The following RARB variants were observed in gnomAD, a reference collection of about 807,000 sequenced individuals.
RARB encodes retinoic acid receptor beta, also known as HBV-activated protein.
A neutral mutation model predicts 51.9 loss-of-function variants in RARB; 17 were observed. That is an observed-to-expected ratio of 0.33 (90% CI 0.22 to 0.49). The LOEUF (loss-of-function observed/expected upper bound fraction) is 0.49. Ranked by LOEUF, RARB falls within the 20% of genes least tolerant of loss-of-function variation. The pLI is 0.99. For synonymous variants in RARB, 215 were observed against 195.4 expected, an observed-to-expected ratio of 1.10 and a Z score of -0.84; for missense variants, 369 against 550.8, an observed-to-expected ratio of 0.67 and a Z score of 3.30.
intron 2 of RARB, among the ~76,000 whole-genome samples, chr3:24,969,852 T>C (rs1696355583): frequency 6.6e-6 from 1 of 152,108 alleles, no homozygotes; most frequent in South Asian, 2.1e-4. Flanking sequence ...AATATACTTT[T>C]AGCTATGTAT....
At chr3:25,016,210 C>G (rs1298159540) in intron 2 of RARB, among the ~76,000 whole-genome samples, 3 of 152,130 alleles carry the variant, frequency 2.0e-5, no homozygotes, top group Non-Finnish European at 4.4e-5. Context: ...TTATAAATTT[C>G]AATACAAAAT....
At chr3:24,834,645 A>G (rs540488148) in intron 1 of RARB, among the ~76,000 whole-genome samples, 4 of 152,284 alleles carry the variant, frequency 2.6e-5, no homozygotes, top group South Asian at 2.1e-4. Flanking sequence ...GATGACGTCA[A>G]TGTAATCATG....
At chr3:25,058,961 A>T (rs1041023787) in intron 2 of RARB, among the ~76,000 whole-genome samples, 8 of 151,760 alleles carry the variant, frequency 5.3e-5, no homozygotes, top group African/African-American at 1.9e-4. Context: ...TTCCAAAAAA[A>T]ATTTTACCCA....
intron 5 of RARB, among the ~76,000 whole-genome samples, chr3:25,364,445 G>A (rs1197111061): frequency 6.6e-6 from 1 of 152,208 alleles, no homozygotes; most frequent in African/African-American, 2.4e-5. Context: ...TACACAAAAT[G>A]TGGGCTTCAC....
At chr3:25,074,167 T>C (rs1466380195) in intron 3 of RARB, among the ~76,000 whole-genome samples, 2 of 152,234 alleles carry the variant, frequency 1.3e-5, no homozygotes, top group Non-Finnish European at 2.9e-5. Flanking sequence ...TTTATCACAA[T>C]GGAAAACTAC....
intron 2 of RARB, among the ~76,000 whole-genome samples, chr3:24,864,263 C>T (rs1046138160): frequency 6.6e-6 from 1 of 152,146 alleles, no homozygotes; most frequent in African/African-American, 2.4e-5. Flanking sequence ...CCTCTGATGT[C>T]AGACACACCA....
At chr3:25,100,884 T>C (rs1438675767) in intron 3 of RARB, among the ~76,000 whole-genome samples, 1 of 152,186 alleles carries the variant, frequency 6.6e-6, no homozygotes, top group East Asian at 1.9e-4. Context: ...TACACTAAGG[T>C]TGACATTCAA....
At chr3:25,160,282 T>C (rs1700452968) in intron 4 of RARB, among the ~76,000 whole-genome samples, 2 of 152,328 alleles carry the variant, frequency 1.3e-5, no homozygotes, top group Middle Eastern at 6.8e-3. Context: ...CAAATGAACA[T>C]TTTAACATTT....
At position 25,521,009 on chromosome 3, in the gene RARB, A is replaced by C. The variant is rs542325296; in HGVS notation, c.448+19686A>C. 3.1e-3 allele frequency among the ~76,000 whole-genome samples: 468 copies of C among 152,334 alleles called. 4 individuals carry two copies. The highest frequency in any genetic ancestry group is 0.011 in the African/African-American group (452 of 41,580). ...GAGTTTGTGACAATAAAATATCAAG[A>C]GTATCAAAAAGCTGTCAAAGTGCTT... is the stretch of plus-strand genomic sequence containing the variant. On this transcript the variant is annotated intron_variant, in intron 3 of 7. Transcript: ENST00000330688.
intron 2 of RARB, among the ~76,000 whole-genome samples, chr3:24,967,075 C>A (rs150440742): frequency 1.3e-5 from 2 of 152,042 alleles, no homozygotes; most frequent in African/African-American, 4.8e-5. Context: ...ACATATACTT[C>A]GAAAGTCAAC....
intron 4 of RARB, among the ~76,000 whole-genome samples, chr3:25,153,734 A>G (rs1047883522): frequency 6.6e-6 from 1 of 152,148 alleles, no homozygotes; most frequent in Admixed American, 6.5e-5. Flanking sequence ...AGGCCTCCCA[A>G]AGTGCTGGGA....
At chr3:24,951,695 C>G (rs866023572) in intron 2 of RARB, among the ~76,000 whole-genome samples, 1 of 152,158 alleles carries the variant, frequency 6.6e-6, no homozygotes, top group Admixed American at 6.5e-5. Context: ...GAATAAAAAT[C>G]ATTTAGTTGA....
At chr3:25,114,779 A>G (rs527726762) in intron 3 of RARB, among the ~76,000 whole-genome samples, 8 of 152,332 alleles carry the variant, frequency 5.3e-5, no homozygotes, top group African/African-American at 1.9e-4. Context: ...AAGCTCTAAC[A>G]TGCCAAATGA....
chr3:25,248,962 C>A (rs996525787), intron 5 of RARB, among the ~76,000 whole-genome samples: 2 of 152,092 alleles, frequency 1.3e-5, no homozygotes, highest in African/African-American at 4.8e-5. Flanking sequence ...CTTTCTGTAT[C>A]TTAATATCTA....
chr3:24,866,257 C>A (rs923450738), intron 2 of RARB, among the ~76,000 whole-genome samples: 2 of 152,098 alleles, frequency 1.3e-5, no homozygotes, highest in African/African-American at 4.8e-5. Flanking sequence ...CTCATCCCCC[C>A]ACGCTTTTGC....
intron 5 of RARB, among the ~76,000 whole-genome samples, chr3:25,313,012 G>A (rs1229254072): frequency 1.3e-5 from 2 of 152,218 alleles, no homozygotes; most frequent in Non-Finnish European, 2.9e-5. Flanking sequence ...CAGCATCCTG[G>A]CTCTATCCAC....
intron 2 of RARB, among the ~76,000 whole-genome samples, chr3:25,475,550 AAAAAT>A (rs1695905807): frequency 6.6e-6 from 1 of 152,210 alleles, no homozygotes; most frequent in African/African-American, 2.4e-5. Flanking sequence ...ATAGGAAAGA[AAAAAT>A]AACAGAAAAA....
chr3:25,044,633 A>C lies in RARB; in HGVS notation c.-379-15492A>C, dbSNP rs1452232054. 3.3e-5 allele frequency among the ~76,000 whole-genome samples: 5 copies of C among 152,214 alleles called. No individual in the cohort carries two copies. The East Asian group carries it at 9.6e-4, about 29-fold the overall frequency. ...ATAAATACTTGAAATATTTCTAGGG[A>C]AGTAAATGAATGTGTCTCTCTTGTT... On this transcript the variant is annotated intron_variant, in intron 2 of 11. Transcript: ENST00000383772.
At chr3:25,079,533 C>A (rs190340874) in intron 3 of RARB, among the ~76,000 whole-genome samples, 120 of 152,216 alleles carry the variant, frequency 7.9e-4, no homozygotes, top group Non-Finnish European at 2.4e-4. Context: ...TTATGCTAAC[C>A]TTTTATTAAG....
Sources: allele counts gnomAD v4.1 joint callset (sites outside exome capture counted in the v4.1 genomes callset), GRCh38; gene constraint gnomAD v4.1.1; transcripts MANE v1.5; gene names NCBI Gene and HGNC (gene_info 2026-07-23, HGNC 2026-07-21).